PPIL2: variants seen among roughly 807,000 people sequenced by gnomAD.
PPIL2 encodes the protein peptidylprolyl isomerase like 2.
PPIL2 carries 50 observed loss-of-function variants against 75.2 expected under a neutral mutation model. That is an observed-to-expected ratio of 0.66 (90% CI 0.53 to 0.84). The LOEUF is 0.84. PPIL2 is among the 40% of genes least tolerant of loss of function. The pLI, the probability that PPIL2 is intolerant of heterozygous loss-of-function variation, is 0.00. For synonymous variants in PPIL2, 245 were observed against 258.8 expected, an observed-to-expected ratio of 0.95 and a Z score of 0.51; for missense variants, 590 against 685.0, an observed-to-expected ratio of 0.86 and a Z score of 1.55.
At chr22:21,692,350 T>C (rs992338580) in intron 15 of PPIL2, among the ~76,000 whole-genome samples, 5 of 151,114 alleles carry the variant, frequency 3.3e-5, no homozygotes, top group Non-Finnish European at 7.4e-5. Context: ...GAGATGGGGT[T>C]TCACCGTGTT....
At position 21,695,545 on chromosome 22, in the gene PPIL2, C is replaced by G. The variant is rs771084094; in HGVS notation, c.*55C>G. The G allele has an allele frequency of 8.4e-6, 13 of 1,553,056 alleles. No homozygotes were observed. The highest frequency in any genetic ancestry group is 5.8e-5 in the Admixed American group (3 of 51,286). On this transcript the variant is annotated 3_prime_UTR_variant, in exon 20 of 20. Coordinates refer to ENST00000398831, the MANE Select transcript of PPIL2 (RefSeq NM_014337.4). Reference sequence around the variant, plus strand: ...GGGTTGCAGGGCTGGGGGCCCATGTCCACATCTCCATTTCCAGCCTTTCTA... The same window carrying G: ...GGGTTGCAGGGCTGGGGGCCCATGTGCACATCTCCATTTCCAGCCTTTCTA...
At chr22:21,687,568 A>AAT (rs2067425010) in intron 12 of PPIL2, 75 bp from the exon 13 acceptor site, 1 of 862,896 alleles carries the variant, frequency 1.2e-6, no homozygotes, top group Admixed American at 2.8e-5. Flanking sequence ...AAAAAAAAAA[A>AAT]AAAGCCTCCT....
chr22:21,675,149 G>C, intron 6 of PPIL2, 34 bp downstream of exon 6: 1 of 1,572,574 alleles, frequency 6.4e-7, no homozygotes, highest in Non-Finnish European at 8.8e-7. Context: ...TTCTGGGCTT[G>C]ACCTGCAGAC....
intron 3 of PPIL2, 143 bp from the exon 4 acceptor site, chr22:21,670,854 G>A (rs1268176999): frequency 2.2e-6 from 2 of 920,050 alleles, no homozygotes; most frequent in Non-Finnish European, 3.6e-6. Context: ...GGAGGAGAAG[G>A]TTGGTGAGAG....
chr22:21,671,293 C>A (rs1166753040), intron 4 of PPIL2, among the ~76,000 whole-genome samples: 4 of 152,234 alleles, frequency 2.6e-5, no homozygotes, highest in Non-Finnish European at 5.9e-5. Flanking sequence ...CAAGTGCAGG[C>A]ATGAGCCACT....
At chr22:21,687,312 G>T (rs861830) in intron 12 of PPIL2, among the ~76,000 whole-genome samples, 47,619 of 152,028 alleles carry the variant, frequency 0.31, 7,963 homozygotes, top group African/African-American at 0.44. Flanking sequence ...GGGTCCATCC[G>T]TGCCCAGTGT....
intron 4 of PPIL2, among the ~76,000 whole-genome samples, chr22:21,672,017 C>T (rs180904038): frequency 4.6e-4 from 70 of 152,252 alleles, no homozygotes; most frequent in Middle Eastern, 3.4e-3. Flanking sequence ...AAACACTGCA[C>T]TCCAGCCTGA....
At chr22:21,682,585 C>A (rs1239021502) in intron 8 of PPIL2, 59 bp downstream of exon 8, 4 of 1,345,874 alleles carry the variant, frequency 3.0e-6, no homozygotes, top group South Asian at 1.2e-5. Context: ...CAGCCCAGGC[C>A]TCTACAGGGC....
chr22:21,667,997 G>A (rs1291105775), intron 1 of PPIL2, among the ~76,000 whole-genome samples: 2 of 151,830 alleles, frequency 1.3e-5, no homozygotes, highest in Admixed American at 6.6e-5. Context: ...GGCCGGTCTC[G>A]AACTCCTGAC....
chr22:21,699,355 G>C (rs1383979907), downstream of PPIL2: 2 of 152,822 alleles, frequency 1.3e-5, no homozygotes, highest in African/African-American at 4.8e-5. Context: ...CCTGCCCTCT[G>C]CCCTGAGACA....
At chr22:21,675,214 C>T in intron 6 of PPIL2, 99 bp downstream of exon 6, 1 of 1,143,738 alleles carries the variant, frequency 8.7e-7, no homozygotes, top group Non-Finnish European at 1.3e-6. Flanking sequence ...GCTTTCTGAC[C>T]AAGCTAGACA....
chr22:21,670,620 T>A lies in PPIL2; in HGVS notation c.128+9T>A. The A allele has an allele frequency of 6.2e-7, 1 of 1,605,790 alleles. No individual in the cohort carries two copies. Among genetic ancestry groups the A allele is most frequent in the African/African-American group, 1.3e-5 (1 of 74,842 alleles). ...CCTTTTGACCACTGCAGGTAAGAGT[T>A]TTGCGAGTTTACCTTTCCCTTGTAA... is the stretch of plus-strand genomic sequence containing the variant. On this transcript the variant is annotated intron_variant, in intron 3 of 19. Coordinates refer to ENST00000398831, the MANE Select transcript of PPIL2 (RefSeq NM_014337.4).
At chr22:21,670,235 G>A in intron 2 of PPIL2, 1 of 1,141,910 alleles carries the variant, frequency 8.8e-7, no homozygotes, top group East Asian at 2.9e-5. Flanking sequence ...AAAATTACAT[G>A]TACATTTAAA....
rs1294088153 is a variant in PPIL2, at chr22:21,696,382, G to A, written c.*892G>A. On this transcript the variant is annotated 3_prime_UTR_variant, in exon 20 of 20. Coordinates refer to ENST00000398831, the MANE Select transcript of PPIL2 (RefSeq NM_014337.4). ...AGAACAAGTGGATGTCCCTCTCCCC[G>A]CCCTCCTGCTGAAGTGGCCTTGCTG... is the stretch of plus-strand genomic sequence containing the variant. 7.4e-5 allele frequency: 85 copies of A among 1,146,940 alleles called. No homozygotes were observed. Among genetic ancestry groups the A allele is most frequent in the Non-Finnish European group, 8.2e-5 (76 of 924,836 alleles). The allele number at this position is 1,146,940 out of a possible 1,614,324, so 71.0% of individuals were successfully genotyped here. A position where few individuals can be genotyped will look rare whatever the true frequency, so the allele number is the denominator to read the frequency against.
intron 15 of PPIL2, among the ~76,000 whole-genome samples, chr22:21,690,382 GA>G (rs770132497): frequency 0.07 from 9,990 of 143,266 alleles, 1,003 homozygotes; most frequent in African/African-American, 0.23. Context: ...ACCCTGTCTG[GA>G]AAAAAAAAAA....
At position 21,686,949 on chromosome 22, in the gene PPIL2, G is replaced by C. The variant is rs201936934; in HGVS notation, c.848G>C (p.Arg283Pro). Residue 283 changes from arginine (R) to proline (P), a missense_variant, in exon 12 of 20, where the codon CGG becomes CCG. Physicochemically the swap from Arg to Pro is moderately radical, Grantham distance 103. Coordinates refer to ENST00000398831, the MANE Select transcript of PPIL2 (RefSeq NM_014337.4). ...TTTGTGAAGAAGAAGGGCTACGTGC[G>C]GCTGCACACCAACAAGGGCGACCTC... ...YQFVKKKGYVRLHTNKGDLNL... is the reference protein window; with the variant it reads ...YQFVKKKGYVPLHTNKGDLNL... The C allele has an allele frequency of 6.2e-7, 1 of 1,614,060 alleles. No homozygotes were observed. The highest frequency in any genetic ancestry group is 1.7e-5 in the Admixed American group (1 of 60,030).
In PPIL2 at chr22:21,680,424, C is replaced by T. The variant is rs140116441; in HGVS notation, c.296-875C>T. Reference sequence around the variant, plus strand: ...TGCATGCCTGTAGTCTCAGCTACTCCGGAGGCGGAGGCAGCAGAATCGCTG... The same window carrying T: ...TGCATGCCTGTAGTCTCAGCTACTCTGGAGGCGGAGGCAGCAGAATCGCTG... On this transcript the variant is annotated intron_variant, in intron 6 of 19. Coordinates refer to ENST00000398831, the MANE Select transcript of PPIL2 (RefSeq NM_014337.4). Among the ~76,000 whole-genome samples, 356 of 152,038 alleles carry T rather than the reference C, an allele frequency of 2.3e-3. 2 individuals are homozygous for T. The highest frequency in any genetic ancestry group is 7.9e-3 in the African/African-American group (328 of 41,488).
At chr22:21,680,873 G>C (rs1235016414) in intron 6 of PPIL2, among the ~76,000 whole-genome samples, 1 of 131,934 alleles carries the variant, frequency 7.6e-6, no homozygotes, top group East Asian at 2.1e-4. Flanking sequence ...ACAAAAAAAA[G>C]ACAGTAGGCA....
At chr22:21,674,372 A>G (rs995910007) in intron 5 of PPIL2, among the ~76,000 whole-genome samples, 2 of 152,252 alleles carry the variant, frequency 1.3e-5, no homozygotes, top group African/African-American at 4.8e-5. Flanking sequence ...AGGGGAAATA[A>G]GAAAAAAGAA....
Sources: allele counts gnomAD v4.1 joint callset (sites outside exome capture counted in the v4.1 genomes callset), GRCh38; gene constraint gnomAD v4.1.1; transcripts MANE v1.5; gene names NCBI Gene and HGNC (gene_info 2026-07-23, HGNC 2026-07-21).